HDAC4: variants seen among roughly 807,000 people sequenced by gnomAD.
HDAC4 encodes histone deacetylase 4.
In HDAC4, 16 loss-of-function variants were observed where a neutral mutation model predicts 135.1. The ratio of observed to expected loss-of-function variants is 0.12; its 90% CI spans 0.08 to 0.18. The LOEUF (loss-of-function observed/expected upper bound fraction) is 0.18, where lower values mean the gene tolerates loss of function less well. Ranked by LOEUF, HDAC4 falls within the 10% of genes least tolerant of loss-of-function variation. HDAC4 has a pLI of 1.00. For missense variants in HDAC4, 1,143 were observed against 1,511.8 expected (o/e 0.76, Z 4.05); for synonymous variants, 685 against 653.4 (o/e 1.05, Z -0.74).
chr2:239,267,289 C>T (rs558388796), intron 2 of HDAC4, among the ~76,000 whole-genome samples: 9 of 152,328 alleles, frequency 5.9e-5, no homozygotes, highest in East Asian at 3.9e-4. Flanking sequence ...ACCATGGACA[C>T]GCATACCACA....
chr2:239,228,816 C>T (rs573424484), intron 3 of HDAC4, among the ~76,000 whole-genome samples: 59 of 152,146 alleles, frequency 3.9e-4, no homozygotes, highest in African/African-American at 1.3e-3. Flanking sequence ...AGCAGGAGGG[C>T]GCAGCTTCTG....
At chr2:239,175,337 G>A (rs534346340) in intron 5 of HDAC4, among the ~76,000 whole-genome samples, 12 of 152,288 alleles carry the variant, frequency 7.9e-5, no homozygotes, top group South Asian at 4.1e-4. Flanking sequence ...CCTGCACCCC[G>A]GGGACACGCC....
intron 4 of HDAC4, among the ~76,000 whole-genome samples, chr2:239,179,455 G>A (rs2043997554): frequency 6.6e-6 from 1 of 152,190 alleles, no homozygotes; most frequent in Admixed American, 6.5e-5. Context: ...TGAACTGTGC[G>A]TGTGGGGGAT....
chr2:239,214,812 G>C (rs2046537322), intron 3 of HDAC4, among the ~76,000 whole-genome samples: 1 of 152,248 alleles, frequency 6.6e-6, no homozygotes, highest in South Asian at 2.1e-4. Flanking sequence ...ACTTTAATGG[G>C]CAGCTGCCAG....
chr2:239,380,022 G>A (rs191182003), intron 1 of HDAC4, among the ~76,000 whole-genome samples: 4 of 152,326 alleles, frequency 2.6e-5, no homozygotes, highest in Non-Finnish European at 4.4e-5. Context: ...AGCCGGGGGC[G>A]CCAAGACTCC....
Position 239,236,405 on chromosome 2 carries a change from C to T in HDAC4, c.94+188G>A, listed in dbSNP as rs891381555. 3.9e-5 allele frequency among the ~76,000 whole-genome samples: 6 copies of T among 152,228 alleles called. No individual in the cohort carries two copies. The East Asian group carries it at 5.8e-4, about 15-fold the overall frequency. ...GCATTTCTCTACCATTTACATGGCA[C>T]GGAGCCATTTCATTTCCAAAAAGGA... On this transcript the variant is annotated intron_variant, in intron 3 of 26. Transcript: ENST00000543185.
intron 3 of HDAC4, 109 bp from the exon 4 acceptor site, chr2:239,190,186 T>A: frequency 9.1e-5 from 117 of 1,289,260 alleles, no homozygotes; most frequent in Middle Eastern, 2.8e-4. Flanking sequence ...GGGGGGGGGT[T>A]GTGACCATTT....
At chr2:239,057,036 A>C (rs2031959430) in intron 24 of HDAC4, among the ~76,000 whole-genome samples, 2 of 152,232 alleles carry the variant, frequency 1.3e-5, no homozygotes, top group South Asian at 4.1e-4. Flanking sequence ...AAAATGGAGA[A>C]AGGGCAGTTG....
chr2:239,116,179 C>T (rs2039118921), intron 12 of HDAC4, among the ~76,000 whole-genome samples: 1 of 152,204 alleles, frequency 6.6e-6, no homozygotes, highest in African/African-American at 2.4e-5. Context: ...CTCATTTCCC[C>T]ATTCTGGATT....
chr2:239,088,134 C>A (rs981977968), intron 18 of HDAC4, among the ~76,000 whole-genome samples: 1 of 152,314 alleles, frequency 6.6e-6, no homozygotes, highest in Middle Eastern at 3.4e-3. Flanking sequence ...GTGGGCAGCC[C>A]ACGAAACAGC....
In HDAC4 at chr2:239,049,797, CG is replaced by C. The variant is rs1559330718; in HGVS notation, c.*3299del. Reference sequence around the variant, plus strand: ...GCCAGTCCCAGCGGGCCACGGCCTCCGGGACAGCCGCCTGCTGGTGGGGCGT... The same window carrying C: ...GCCAGTCCCAGCGGGCCACGGCCTCCGGACAGCCGCCTGCTGGTGGGGCGT... On this transcript the variant is annotated 3_prime_UTR_variant, in exon 27 of 27. Transcript: ENST00000543185. 6.6e-6 allele frequency: 1 copy of C among 152,274 alleles called. No individual in the cohort carries two copies. 9.4% of individuals were successfully genotyped at this position (152,274 alleles called of 1,614,324 possible). A position where few individuals can be genotyped will look rare whatever the true frequency, so the allele number is the denominator to read the frequency against.
chr2:239,083,204 G>A (rs3791375), intron 20 of HDAC4, among the ~76,000 whole-genome samples: 46,392 of 152,192 alleles, frequency 0.3, 7,281 homozygotes, highest in Admixed American at 0.36. Flanking sequence ...CAGGGTCTAC[G>A]CAGCCTGTCT....
Position 239,308,758 on chromosome 2 carries a change from G to A in HDAC4, c.22+43920C>T, listed in dbSNP as rs1028798293. On this transcript the variant is annotated intron_variant, in intron 2 of 26. Coordinates refer to ENST00000543185, the MANE Select transcript of HDAC4 (RefSeq NM_001378414.1). This position sits in a 1 kb window ranked among gnomAD's most constrained non-coding sequence, Gnocchi z 4.2. ...ACGTGAAGTGCCAAGACTGCTGTCC[G>A]CCAGCGCCCTCACTCCCCCAGGGCC... Among the ~76,000 whole-genome samples, 3 of 152,124 alleles carry A rather than the reference G, an allele frequency of 2.0e-5. No individual in the cohort carries two copies. The highest frequency in any genetic ancestry group is 2.9e-5 in the Non-Finnish European group (2 of 68,036).
intron 2 of HDAC4, among the ~76,000 whole-genome samples, chr2:239,268,243 A>G (rs1339794974): frequency 6.6e-6 from 1 of 152,160 alleles, no homozygotes; most frequent in Non-Finnish European, 1.5e-5. Flanking sequence ...CCACTCCCAG[A>G]CTCGGGCTGG....
intron 2 of HDAC4, among the ~76,000 whole-genome samples, chr2:239,260,970 G>A (rs12615371): frequency 0.16 from 23,968 of 152,038 alleles, 2,730 homozygotes; most frequent in East Asian, 0.47. Flanking sequence ...GGGTGGAGAC[G>A]GAAGCCAGCC....
chr2:239,215,157 G>A (rs1032705526), intron 3 of HDAC4, among the ~76,000 whole-genome samples: 6 of 152,336 alleles, frequency 3.9e-5, no homozygotes, highest in East Asian at 1.9e-4. Context: ...GGAGTGGGCC[G>A]GAGACAAGCC....
rs546683977 is a variant in HDAC4 at position 239,246,739 on chromosome 2, C to G, written c.23-10075G>C. Among the ~76,000 whole-genome samples, 5 of 152,370 alleles carry G rather than the reference C, an allele frequency of 3.3e-5. No homozygotes were observed. In the East Asian group the frequency reaches 9.6e-4, roughly 29 times the overall value. On this transcript the variant is annotated intron_variant, in intron 2 of 26. Coordinates refer to ENST00000543185, the MANE Select transcript of HDAC4 (RefSeq NM_001378414.1). ...ACACGGAGAGACAGCTCTCAGCTAC[C>G]CCTACCTACCAAGTGGCACAGGCCA...
At chr2:239,202,923 G>A (rs1388159456) in intron 3 of HDAC4, among the ~76,000 whole-genome samples, 1 of 152,166 alleles carries the variant, frequency 6.6e-6, no homozygotes, top group Non-Finnish European at 1.5e-5. Flanking sequence ...GACAAGAAAG[G>A]AAGGGCCTGT....
chr2:239,116,056 G>A (rs552249865), intron 12 of HDAC4, among the ~76,000 whole-genome samples: 1 of 152,130 alleles, frequency 6.6e-6, no homozygotes, highest in African/African-American at 2.4e-5. Context: ...TGGATCTCAC[G>A]GACGCTTCTC....
Sources: gnomAD v4.1 joint callset for allele counts (sites outside exome capture counted in the v4.1 genomes callset) on GRCh38, gnomAD v4.1.1 for gene constraint, Gnocchi (gnomAD v3.1) non-coding constraint, MANE v1.5 for transcripts, NCBI Gene and HGNC (gene_info 2026-07-23, HGNC 2026-07-21) for gene names.